Variants in CCSER1 observed in about 807,000 individuals in gnomAD.
CCSER1 encodes coiled-coil serine rich protein 1.
Under a neutral mutation model 82.0 loss-of-function variants are expected in CCSER1, and 41 were observed. The observed-to-expected ratio is 0.50, with a 90% CI of 0.39 to 0.65. The LOEUF (loss-of-function observed/expected upper bound fraction) is 0.65. CCSER1 is among the 30% of genes least tolerant of loss of function. The pLI, the probability that CCSER1 is intolerant of heterozygous loss-of-function variation, is 0.00. For synonymous variants in CCSER1, 414 were observed against 383.9 expected (o/e 1.08, Z -0.92); for missense variants, 1,119 against 1,064.2 (o/e 1.05, Z -0.72).
chr4:90,696,401 T>A (rs1737001482), intron 6 of CCSER1, among the ~76,000 whole-genome samples: 1 of 152,118 alleles, frequency 6.6e-6, no homozygotes, highest in Non-Finnish European at 1.5e-5. Context: ...ACTGGTAATT[T>A]TTTTTTAATG....
intron 10 of CCSER1, among the ~76,000 whole-genome samples, chr4:91,521,917 G>T (rs932982269): frequency 6.6e-6 from 1 of 151,942 alleles, no homozygotes; most frequent in Non-Finnish European, 1.5e-5. Context: ...GGCTTTTGTT[G>T]CCATTGCTTT....
intron 10 of CCSER1, among the ~76,000 whole-genome samples, chr4:91,283,708 A>G (rs113062535): frequency 0.021 from 3,145 of 152,038 alleles, 111 homozygotes; most frequent in African/African-American, 0.072. Context: ...CTCTTAAGCC[A>G]CCTTTATTTA....
chr4:90,728,660 C>A (rs1365792590), intron 7 of CCSER1, among the ~76,000 whole-genome samples: 5 of 152,044 alleles, frequency 3.3e-5, no homozygotes, highest in Non-Finnish European at 1.5e-5. Flanking sequence ...TATAGGGAGA[C>A]CCCCTCCCTA....
At chr4:90,444,314 A>G (rs1760323210) in intron 4 of CCSER1, among the ~76,000 whole-genome samples, 2 of 152,020 alleles carry the variant, frequency 1.3e-5, no homozygotes, top group African/African-American at 2.4e-5. Context: ...TTCTTTTTCA[A>G]TATGTCAAAG....
intron 10 of CCSER1, 80 bp from the exon 11 acceptor site, chr4:91,598,492 T>C: frequency 7.3e-7 from 1 of 1,374,824 alleles, no homozygotes; most frequent in Admixed American, 2.9e-5. Context: ...GACACAAATG[T>C]ATAAATATCA....
At chr4:91,373,383 G>A (rs1750176868) in intron 10 of CCSER1, among the ~76,000 whole-genome samples, 2 of 152,028 alleles carry the variant, frequency 1.3e-5, no homozygotes, top group Admixed American at 6.6e-5. Context: ...ATCACTTCAT[G>A]TCTCTGTGTC....
chr4:90,519,839 T>C (rs182004833), intron 5 of CCSER1, among the ~76,000 whole-genome samples: 2 of 152,176 alleles, frequency 1.3e-5, no homozygotes, highest in Admixed American at 1.3e-4. Context: ...ACATCTCTGT[T>C]CTACCAATGA....
chr4:90,659,630 A>G (rs934059540), intron 6 of CCSER1, among the ~76,000 whole-genome samples: 2 of 152,134 alleles, frequency 1.3e-5, no homozygotes, highest in Non-Finnish European at 1.5e-5. Context: ...ATAGCTAGCT[A>G]TATTTTTAAC....
intron 10 of CCSER1, among the ~76,000 whole-genome samples, chr4:91,579,540 G>T (rs550746599): frequency 1.1e-3 from 171 of 151,932 alleles, no homozygotes; most frequent in African/African-American, 3.9e-3. Context: ...CCATGAGAAA[G>T]GGTCTCTCAG....
At chr4:91,329,145 T>C (rs1746772983) in intron 10 of CCSER1, among the ~76,000 whole-genome samples, 1 of 152,214 alleles carries the variant, frequency 6.6e-6, no homozygotes, top group Admixed American at 6.5e-5. Context: ...TAATATCACA[T>C]AGAACTCTAA....
intron 5 of CCSER1, among the ~76,000 whole-genome samples, chr4:90,487,219 T>C (rs1286982203): frequency 1.3e-5 from 2 of 152,226 alleles, no homozygotes; most frequent in African/African-American, 2.4e-5. Flanking sequence ...GCCGTCTCTA[T>C]TTTTTAATAC....
intron 10 of CCSER1, among the ~76,000 whole-genome samples, chr4:91,566,094 CA>C (rs1482055058): frequency 6.6e-6 from 1 of 152,040 alleles, no homozygotes; most frequent in Non-Finnish European, 1.5e-5. Flanking sequence ...GAGTTTTTGA[CA>C]TGAAGGAGTG....
intron 10 of CCSER1, among the ~76,000 whole-genome samples, chr4:91,585,796 A>C (rs565966025): frequency 6.6e-6 from 1 of 151,706 alleles, no homozygotes; most frequent in Non-Finnish European, 1.5e-5. Context: ...TGATTAAAGA[A>C]AAAATTGTCC....
chr4:90,340,249 C>T (rs1164618754), intron 3 of CCSER1, among the ~76,000 whole-genome samples: 1 of 152,080 alleles, frequency 6.6e-6, no homozygotes, highest in Non-Finnish European at 1.5e-5. Flanking sequence ...ATTATTTTTA[C>T]CTTAGAATAC....
intron 10 of CCSER1, among the ~76,000 whole-genome samples, chr4:91,340,839 G>A (rs1316658778): frequency 6.6e-6 from 1 of 152,120 alleles, no homozygotes; most frequent in Non-Finnish European, 1.5e-5. Flanking sequence ...TGGGAACTTC[G>A]TTAAAATAGA....
At chr4:91,368,485 T>C (rs1749798157) in intron 10 of CCSER1, among the ~76,000 whole-genome samples, 1 of 152,204 alleles carries the variant, frequency 6.6e-6, no homozygotes, top group Admixed American at 6.5e-5. Context: ...GGCAGAATTA[T>C]GCATTTTTCT....
intron 7 of CCSER1, among the ~76,000 whole-genome samples, chr4:90,775,666 C>T (rs545953614): frequency 7.9e-5 from 12 of 152,056 alleles, no homozygotes; most frequent in African/African-American, 2.4e-4. Flanking sequence ...ATGGGTTAAT[C>T]GTAAATAGGA....
intron 6 of CCSER1, among the ~76,000 whole-genome samples, chr4:90,704,424 A>C (rs953145531): frequency 6.6e-6 from 1 of 151,982 alleles, no homozygotes; most frequent in African/African-American, 2.4e-5. Context: ...CTTCATTTCA[A>C]CTTTGGTGAA....
chr4:91,187,471 C>A (rs1490314890), intron 10 of CCSER1, among the ~76,000 whole-genome samples: 1 of 151,982 alleles, frequency 6.6e-6, no homozygotes, highest in Non-Finnish European at 1.5e-5. Context: ...TAAGATGTTT[C>A]CCCAGAGGGT....
Sources: allele counts gnomAD v4.1 joint callset (sites outside exome capture counted in the v4.1 genomes callset), GRCh38; gene constraint gnomAD v4.1.1; transcripts MANE v1.5; gene names NCBI Gene and HGNC (gene_info 2026-07-23, HGNC 2026-07-21).